Variants in TATDN2 observed in about 807,000 individuals in gnomAD.
TATDN2 encodes the protein TatD DNase domain containing 2.
A neutral mutation model predicts 60.3 loss-of-function variants in TATDN2; 44 were observed. The ratio of observed to expected loss-of-function variants is 0.73; its 90% CI spans 0.57 to 0.94. The LOEUF (loss-of-function observed/expected upper bound fraction) is 0.94, where lower values mean the gene tolerates loss of function less well. Among genes scored for constraint, TATDN2 ranks in the 40% least tolerant of loss-of-function variants. TATDN2 has a pLI of 0.00. For missense variants in TATDN2, 997 were observed against 948.0 expected, an observed-to-expected ratio of 1.05 and a Z score of -0.68; for synonymous variants, 399 against 355.8, an observed-to-expected ratio of 1.12 and a Z score of -1.37.
rs9825138 is a variant in TATDN2, at chr3:10,249,167, T to G, written c.-6-28T>G. On this transcript the variant is annotated intron_variant, in intron 1 of 7. Coordinates refer to ENST00000448281, the MANE Select transcript of TATDN2 (RefSeq NM_014760.4). ...GTGGGGTCGCCAGGAAGGGTGGTGTTGGAATCCAGGCCCCCTGTACCTTGC... is the reference window on the plus strand; with the variant it reads ...GTGGGGTCGCCAGGAAGGGTGGTGTGGGAATCCAGGCCCCCTGTACCTTGC... The G allele has an allele frequency of 0.016, 23,453 of 1,485,580 alleles. 3,050 individuals are homozygous for G. The African/African-American group carries it at 0.29, about 18-fold the overall frequency. The allele number at this position is 1,485,580 out of a possible 1,614,324, so 92.0% of individuals were successfully genotyped here.
At chr3:10,251,479 G>A (rs1053744497) in intron 2 of TATDN2, among the ~76,000 whole-genome samples, 15 of 152,020 alleles carry the variant, frequency 9.9e-5, no homozygotes, top group Non-Finnish European at 5.9e-5. Context: ...TCCACCTCCT[G>A]GGTTCAAACA....
In TATDN2 at chr3:10,251,977, T is replaced by C. The variant is rs1004158489; in HGVS notation, c.414+2363T>C. ...CCCTGGCTAACACGGTGAAACCCTT[T>C]CTCTACTAAAAATACAAAAAGTTAG... On this transcript the variant is annotated intron_variant, in intron 2 of 7. Transcript: ENST00000448281. Among the ~76,000 whole-genome samples the C allele has an allele frequency of 7.3e-5, 11 of 151,286 alleles. No homozygotes were observed. The South Asian group carries it at 8.4e-4, about 12-fold the overall frequency.
rs374304349 is a variant in TATDN2, at chr3:10,267,732, C to T, written c.949-2399C>T. Reference sequence around the variant, plus strand: ...GAGGCAGTCTGTTTCCGTTTTTCCTCGAGGTGTGTTTTTGGGATTGCCATA... The same window carrying T: ...GAGGCAGTCTGTTTCCGTTTTTCCTTGAGGTGTGTTTTTGGGATTGCCATA... On this transcript the variant is annotated intron_variant, in intron 3 of 7. Coordinates refer to ENST00000448281, the MANE Select transcript of TATDN2 (RefSeq NM_014760.4). Among the ~76,000 whole-genome samples, 8 of 152,230 alleles carry T rather than the reference C, an allele frequency of 5.3e-5. 1 individual carries two copies. Among genetic ancestry groups the T allele is most frequent in the African/African-American group, 1.9e-4 (8 of 41,550 alleles).
intron 4 of TATDN2, among the ~76,000 whole-genome samples, chr3:10,274,947 C>A (rs1296987373): frequency 1.3e-5 from 2 of 151,514 alleles, no homozygotes; most frequent in African/African-American, 4.9e-5. Flanking sequence ...AGAAACTACT[C>A]ATGGAAACAT....
rs1698666740 is a variant in TATDN2, at chr3:10,278,247, T to C, written c.1962-32T>C. 3.1e-6 allele frequency: 5 copies of C among 1,599,076 alleles called. No individual in the cohort carries two copies. In the East Asian group the frequency reaches 1.1e-4, roughly 36 times the overall value. ...CTGGGGGCTGCTGCAGAGGGGACTG[T>C]GAGCAGCCCTGATGTGGAGTTCTGT... On this transcript the variant is annotated intron_variant, in intron 5 of 7. Coordinates refer to ENST00000448281, the MANE Select transcript of TATDN2 (RefSeq NM_014760.4). This position sits in a 1 kb window ranked among gnomAD's most constrained non-coding sequence, Gnocchi z 4.7.
At chr3:10,258,168 A>T (rs558908629) in intron 2 of TATDN2, among the ~76,000 whole-genome samples, 1 of 150,528 alleles carries the variant, frequency 6.6e-6, no homozygotes, top group South Asian at 2.1e-4. Context: ...TTTAAGTTTT[A>T]TTTTCCTTTG....
At chr3:10,269,413 A>G (rs1475400029) in intron 3 of TATDN2, among the ~76,000 whole-genome samples, 1 of 152,236 alleles carries the variant, frequency 6.6e-6, no homozygotes, top group East Asian at 1.9e-4. Flanking sequence ...GACACGTTTA[A>G]AAACTGTCAC....
At chr3:10,262,751 T>G (rs1698425247) in intron 3 of TATDN2, among the ~76,000 whole-genome samples, 1 of 151,584 alleles carries the variant, frequency 6.6e-6, no homozygotes, top group Non-Finnish European at 1.5e-5. Context: ...GCCAGGCTGG[T>G]CTCAAACTTC....
chr3:10,274,865 T>A (rs1201511756), intron 4 of TATDN2, among the ~76,000 whole-genome samples: 1 of 152,224 alleles, frequency 6.6e-6, no homozygotes, highest in Non-Finnish European at 1.5e-5. Context: ...GAATATCACC[T>A]GACTCAAATT....
intron 5 of TATDN2, among the ~76,000 whole-genome samples, chr3:10,277,387 A>G (rs1302608049): frequency 2.6e-5 from 4 of 152,128 alleles, no homozygotes; most frequent in Non-Finnish European, 5.9e-5. Flanking sequence ...TTCTGCCTAC[A>G]TAGCATGTGG....
At chr3:10,276,780 G>A (rs1288143526) in intron 5 of TATDN2, among the ~76,000 whole-genome samples, 1 of 152,108 alleles carries the variant, frequency 6.6e-6, no homozygotes, top group African/African-American at 2.4e-5. Context: ...GTAGAGACGG[G>A]GTTTTGCCAT....
Position 10,249,589 on chromosome 3 carries a change from T to C in TATDN2, c.389T>C (p.Leu130Pro). Residue 130 changes from leucine to proline, a missense_variant, in exon 2 of 8, where the codon CTA (leucine) becomes CCA (proline). By Grantham distance (98) the Leu-to-Pro change is moderately conservative (BLOSUM62 -3). Transcript: ENST00000448281. Reference sequence around the variant, plus strand: ...GCCTCTTTGGAAGAAATGGCTTCTCTAGAGGAGGAAGCCTGCAGCCTTAAG... The same window carrying C: ...GCCTCTTTGGAAGAAATGGCTTCTCCAGAGGAGGAAGCCTGCAGCCTTAAG... ...ANASLEEMAS[L>P]EEEACSLKVD... 1.3e-6 allele frequency: 2 copies of C among 1,528,458 alleles called. No homozygotes were observed. Among genetic ancestry groups the C allele is most frequent in the Non-Finnish European group, 1.8e-6 (2 of 1,139,802 alleles). 94.7% of individuals were successfully genotyped at this position (1,528,458 alleles called of 1,614,324 possible).
At chr3:10,262,505 G>T (rs961133003) in intron 3 of TATDN2, among the ~76,000 whole-genome samples, 4 of 144,328 alleles carry the variant, frequency 2.8e-5, no homozygotes, top group African/African-American at 1.0e-4. Flanking sequence ...GATTTTGAAG[G>T]CATTGCTCCT....
At chr3:10,252,364 A>G (rs943332462) in intron 2 of TATDN2, among the ~76,000 whole-genome samples, 1 of 152,120 alleles carries the variant, frequency 6.6e-6, no homozygotes, top group African/African-American at 2.4e-5. Context: ...ATTGCATTGT[A>G]GAAAGATCAC....
intron 3 of TATDN2, among the ~76,000 whole-genome samples, chr3:10,269,121 T>C (rs1698520442): frequency 6.6e-6 from 1 of 152,062 alleles, no homozygotes; most frequent in African/African-American, 2.4e-5. Context: ...TGTCAGCCAG[T>C]AAGTCAGCCA....
chr3:10,266,737 C>T (rs187114351), intron 3 of TATDN2, among the ~76,000 whole-genome samples: 104 of 152,254 alleles, frequency 6.8e-4, no homozygotes, highest in African/African-American at 2.5e-3. Flanking sequence ...TGGTGTTGTT[C>T]AGTGAGGTTT....
At chr3:10,259,240 A>G (rs1559460650) in intron 2 of TATDN2, among the ~76,000 whole-genome samples, 1 of 152,094 alleles carries the variant, frequency 6.6e-6, no homozygotes. Context: ...CAAGCAGTCC[A>G]CCTGCCTCGG....
intron 4 of TATDN2, among the ~76,000 whole-genome samples, chr3:10,272,717 C>A (rs922244105): frequency 6.6e-6 from 1 of 151,918 alleles, no homozygotes; most frequent in Non-Finnish European, 1.5e-5. Context: ...TGGCGAAACC[C>A]CGTCTCTATT....
rs1698671315 is a variant in TATDN2, at chr3:10,278,512, AGGT to A, written c.2145+53_2145+55del. On this transcript the variant is annotated intron_variant, in intron 6 of 7. Transcript: ENST00000448281. This position sits in a 1 kb window ranked among gnomAD's most constrained non-coding sequence, Gnocchi z 4.7. ...GAGGCACCGGAGGGAGAGGGTGGGGAGGTGGGTGGTCACCCTTACAAGGTTGGC... is the reference window on the plus strand; with the variant it reads ...GAGGCACCGGAGGGAGAGGGTGGGGAGGGTGGTCACCCTTACAAGGTTGGC... The A allele has an allele frequency of 3.8e-6, 5 of 1,313,012 alleles. No homozygotes were observed. The Admixed American group carries it at 7.0e-5, about 18-fold the overall frequency. The allele number at this position is 1,313,012 out of a possible 1,614,324, so 81.3% of individuals were successfully genotyped here. A position where few individuals can be genotyped will look rare whatever the true frequency, so the allele number is the denominator to read the frequency against.
Sources: allele counts gnomAD v4.1 joint callset (sites outside exome capture counted in the v4.1 genomes callset), GRCh38; gene constraint gnomAD v4.1.1; non-coding constraint Gnocchi (gnomAD v3.1); transcripts MANE v1.5; gene names NCBI Gene and HGNC (gene_info 2026-07-23, HGNC 2026-07-21).